LMBRD2: variants seen among roughly 807,000 people sequenced by gnomAD.
LMBRD2 encodes LMBR1 domain containing 2.
LMBRD2 carries 55 observed loss-of-function variants against 94.4 expected under a neutral mutation model. The ratio of observed to expected loss-of-function variants is 0.58; its 90% confidence interval spans 0.47 to 0.73. The LOEUF is 0.73. Ranked by LOEUF, LMBRD2 falls within the 30% of genes least tolerant of loss-of-function variation. The probability of loss-of-function intolerance (pLI) is 0.00; values close to 1 mark genes in which losing one functional copy is unlikely to be tolerated. For missense variants in LMBRD2, 640 were observed against 831.9 expected, an observed-to-expected ratio of 0.77 and a Z score of 2.84; for synonymous variants, 246 against 272.4, an observed-to-expected ratio of 0.90 and a Z score of 0.95.
intron 1 of LMBRD2, among the ~76,000 whole-genome samples, chr5:36,145,651 G>C (rs1744520606): frequency 6.6e-6 from 1 of 152,164 alleles, no homozygotes. Flanking sequence ...ATTGATGTGA[G>C]TTTAAATATA....
intron 6 of LMBRD2, among the ~76,000 whole-genome samples, chr5:36,135,101 C>T (rs566929185): frequency 6.6e-6 from 1 of 152,230 alleles, no homozygotes; most frequent in Non-Finnish European, 1.5e-5. Context: ...ATAGAAATGA[C>T]ATTGCACACA....
rs576677628 is a variant in LMBRD2, at chr5:36,103,333, A to G, written c.*713T>C. The G allele has an allele frequency of 1.3e-5, 2 of 152,408 alleles. No individual in the cohort carries two copies. The highest frequency in any genetic ancestry group is 1.3e-4 in the Admixed American group (2 of 15,252). The allele number at this position is 152,408 out of a possible 1,614,324, so 9.4% of individuals were successfully genotyped here. On this transcript the variant is annotated 3_prime_UTR_variant, in exon 18 of 18. Coordinates refer to ENST00000296603, the MANE Select transcript of LMBRD2 (RefSeq NM_001007527.2). ...CTTTCTGAAATGAAAATCTTTTATA[A>G]AGCAATACCAGAAGCATAAAAAAAT...
rs1000391348 is a variant in LMBRD2 at position 36,102,115 on chromosome 5, T to G, written c.*1931A>C. 9 of 151,950 alleles carry G rather than the reference T, an allele frequency of 5.9e-5. No individual in the cohort carries two copies. The highest frequency in any genetic ancestry group is 2.2e-4 in the African/African-American group (9 of 41,430). The allele number at this position is 151,950 out of a possible 1,614,324, so 9.4% of individuals were successfully genotyped here. A position where few individuals can be genotyped will look rare whatever the true frequency, so the allele number is the denominator to read the frequency against. On this transcript the variant is annotated 3_prime_UTR_variant, in exon 18 of 18. Transcript: ENST00000296603. ...AGTCCAAAAGCGTTTTTGCTTTAAG[T>G]ACTTGTAAACTTTTCTGTAATAATA...
rs1371100875 is a variant in LMBRD2 at position 36,102,881 on chromosome 5, A to G, written c.*1165T>C. On this transcript the variant is annotated 3_prime_UTR_variant, in exon 18 of 18. Coordinates refer to ENST00000296603, the MANE Select transcript of LMBRD2 (RefSeq NM_001007527.2). ...TAGCATGGATTCAGTAAGAGTTGCAAATATTCTAGGGACATAAGAAAACTC... is the reference window on the plus strand; with the variant it reads ...TAGCATGGATTCAGTAAGAGTTGCAGATATTCTAGGGACATAAGAAAACTC... 6.6e-6 allele frequency: 1 copy of G among 151,792 alleles called. No individual in the cohort carries two copies. Among genetic ancestry groups the G allele is most frequent in the African/African-American group, 2.4e-5 (1 of 41,410 alleles). 9.4% of individuals were successfully genotyped at this position (151,792 alleles called of 1,614,324 possible). A position where few individuals can be genotyped will look rare whatever the true frequency, so the allele number is the denominator to read the frequency against.
At chr5:36,137,520 G>T in intron 4 of LMBRD2, 79 bp from the exon 5 acceptor site, 1 of 822,538 alleles carries the variant, frequency 1.2e-6, no homozygotes, top group Non-Finnish European at 1.8e-6. Flanking sequence ...AGAAATATAT[G>T]AATCTCAATT....
intron 6 of LMBRD2, among the ~76,000 whole-genome samples, chr5:36,133,524 A>C (rs1348048196): frequency 6.6e-6 from 1 of 152,182 alleles, no homozygotes; most frequent in African/African-American, 2.4e-5. Flanking sequence ...AAAGAAAAAT[A>C]AATGCTTGAG....
At chr5:36,108,273 A>G (rs1020278992) in intron 16 of LMBRD2, among the ~76,000 whole-genome samples, 2 of 152,168 alleles carry the variant, frequency 1.3e-5, no homozygotes, top group African/African-American at 4.8e-5. Context: ...TACCTGGGAT[A>G]AGTGCTTACA....
In LMBRD2 at chr5:36,101,086, C is replaced by T. The variant is rs1035019059; in HGVS notation, c.*2960G>A. 3 of 151,888 alleles carry T rather than the reference C, an allele frequency of 2.0e-5. No homozygotes were observed. The highest frequency in any genetic ancestry group is 7.2e-5 in the African/African-American group (3 of 41,410). The allele number at this position is 151,888 out of a possible 1,614,324, so 9.4% of individuals were successfully genotyped here. ...CTTTATAAAGGGAAAACCCTTGAAT[C>T]TTTTGATTTAGTTCTTACCATTTCT... On this transcript the variant is annotated 3_prime_UTR_variant, in exon 18 of 18. Coordinates refer to ENST00000296603, the MANE Select transcript of LMBRD2 (RefSeq NM_001007527.2).
intron 11 of LMBRD2, among the ~76,000 whole-genome samples, chr5:36,116,024 G>T (rs2111859761): frequency 6.6e-6 from 1 of 152,290 alleles, no homozygotes. Flanking sequence ...GTAATAGATT[G>T]TACAATCTTG....
chr5:36,117,294 A>G (rs558033880), intron 10 of LMBRD2, among the ~76,000 whole-genome samples: 35 of 152,280 alleles, frequency 2.3e-4, no homozygotes, highest in Non-Finnish European at 4.4e-4. Flanking sequence ...CCTGGGCAAC[A>G]TGGCAAAATC....
chr5:36,114,623 T>A lies in LMBRD2; in HGVS notation c.1543-102A>T, dbSNP rs1743695231. 7 of 1,292,482 alleles carry A rather than the reference T, an allele frequency of 5.4e-6. No individual in the cohort carries two copies. The South Asian group carries it at 1.9e-4, about 34-fold the overall frequency. The allele number at this position is 1,292,482 out of a possible 1,614,324, so 80.1% of individuals were successfully genotyped here. On this transcript the variant is annotated intron_variant, in intron 12 of 17. Coordinates refer to ENST00000296603, the MANE Select transcript of LMBRD2 (RefSeq NM_001007527.2). The stretch of plus-strand genomic sequence containing the variant: ...CCTATAACCAGTTATATCAATCCAT[T>A]TGAACTTTTTAAAAAGTAGAAAAAA...
intron 13 of LMBRD2, among the ~76,000 whole-genome samples, chr5:36,112,061 A>G (rs1017808751): frequency 1.3e-5 from 2 of 152,096 alleles, no homozygotes; most frequent in South Asian, 4.1e-4. Flanking sequence ...GGAGAGAGAG[A>G]GAGAGAGAGA....
At chr5:36,113,192 T>C (rs1743654956) in intron 13 of LMBRD2, among the ~76,000 whole-genome samples, 1 of 152,170 alleles carries the variant, frequency 6.6e-6, no homozygotes, top group Non-Finnish European at 1.5e-5. Flanking sequence ...TTGTGTTATC[T>C]ATAAATTTCA....
intron 10 of LMBRD2, 73 bp from the exon 11 acceptor site, chr5:36,116,666 T>A: frequency 7.0e-7 from 1 of 1,424,234 alleles, no homozygotes; most frequent in Non-Finnish European, 9.7e-7. Context: ...ACAGGCATTA[T>A]CCTTCATTTC....
At chr5:36,127,205 T>C (rs1462261488) in intron 6 of LMBRD2, among the ~76,000 whole-genome samples, 1 of 152,242 alleles carries the variant, frequency 6.6e-6, no homozygotes, top group Non-Finnish European at 1.5e-5. Flanking sequence ...TTTTAAATGA[T>C]AAATACATTT....
At chr5:36,120,525 C>G (rs1278352836) in intron 9 of LMBRD2, among the ~76,000 whole-genome samples, 1 of 152,158 alleles carries the variant, frequency 6.6e-6, no homozygotes, top group Non-Finnish European at 1.5e-5. Flanking sequence ...TCCCAAAGTG[C>G]TGGGATTACA....
intron 15 of LMBRD2, among the ~76,000 whole-genome samples, chr5:36,109,122 C>T (rs1233328958): frequency 6.6e-6 from 1 of 152,074 alleles, no homozygotes; most frequent in East Asian, 1.9e-4. Flanking sequence ...CTGGATTCTA[C>T]TCATTAAATT....
At chr5:36,139,166 T>C (rs1346222963) in intron 4 of LMBRD2, among the ~76,000 whole-genome samples, 1 of 152,188 alleles carries the variant, frequency 6.6e-6, no homozygotes, top group African/African-American at 2.4e-5. Context: ...AAGTACCTGC[T>C]CCTGACACCT....
Position 36,115,016 on chromosome 5 carries a change from G to A in LMBRD2, c.1541C>T (p.Ser514Phe). 1 of 1,558,632 alleles carries A rather than the reference G, an allele frequency of 6.4e-7. No individual in the cohort carries two copies. The highest frequency in any genetic ancestry group is 8.8e-7 in the Non-Finnish European group (1 of 1,131,758). ...HKNTQPTAYT[S>F]IMGSMKVLSF... ...ATTCTATTTTCTGACCGTACTTACA[G>A]ATGTATAAGCAGTTGGTTGAGTATT... The change falls in exon 12 of 18, where the codon TCT (serine) becomes TTT (phenylalanine). Residue 514 changes from serine to phenylalanine, a missense_variant and splice_region_variant. By Grantham distance (155) the Ser-to-Phe change is radical. Coordinates refer to ENST00000296603, the MANE Select transcript of LMBRD2 (RefSeq NM_001007527.2).
Sources: gnomAD v4.1 joint callset for allele counts (sites outside exome capture counted in the v4.1 genomes callset) on GRCh38, gnomAD v4.1.1 for gene constraint, MANE v1.5 for transcripts, NCBI Gene and HGNC (gene_info 2026-07-23, HGNC 2026-07-21) for gene names.